The following PRELID3A variants were observed in gnomAD, a reference collection of about 807,000 sequenced individuals.
The protein encoded by PRELID3A is PRELI domain containing 3A.
A neutral mutation model predicts 23.0 loss-of-function variants in PRELID3A; 27 were observed. That is an observed-to-expected ratio of 1.17 (90% CI 0.87 to 1.62). PRELID3A has a LOEUF of 1.62. PRELID3A is among the 40% of genes most tolerant of loss of function. The probability of loss-of-function intolerance (pLI) is 0.00; values close to 1 mark genes in which losing one functional copy is unlikely to be tolerated. For synonymous variants in PRELID3A, 87 were observed against 86.4 expected (o/e 1.01, Z -0.04); for missense variants, 231 against 231.4 (o/e 1.00, Z 0.01).
intron 1 of PRELID3A, among the ~76,000 whole-genome samples, chr18:12,414,660 A>T (rs1290991911): frequency 1.3e-5 from 2 of 152,110 alleles, no homozygotes; most frequent in Non-Finnish European, 2.9e-5. Flanking sequence ...CGGGAGGTGG[A>T]GGTTGCAGTG....
intron 1 of PRELID3A, among the ~76,000 whole-genome samples, chr18:12,416,949 A>G (rs2029980441): frequency 6.6e-6 from 1 of 151,984 alleles, no homozygotes; most frequent in African/African-American, 2.4e-5. Context: ...CCAGCCAGAC[A>G]AGACTATTTT....
Position 12,425,342 on chromosome 18 carries a change from T to C in PRELID3A, c.292-1699T>C, listed in dbSNP as rs546650009. Among the ~76,000 whole-genome samples, 3 of 150,618 alleles carry C rather than the reference T, an allele frequency of 2.0e-5. No homozygotes were observed. The East Asian group carries it at 6.0e-4, about 30-fold the overall frequency. ...ATTGGTTTTGACAGAAAATATAGGC[T>C]GGGCGCAGTGGCTCATGCCTGTAAT... On this transcript the variant is annotated intron_variant, in intron 3 of 6. Transcript: ENST00000440960.
chr18:12,413,486 C>G (rs1472447169), intron 1 of PRELID3A, among the ~76,000 whole-genome samples: 2 of 152,196 alleles, frequency 1.3e-5, no homozygotes, highest in Admixed American at 1.3e-4. Flanking sequence ...GACTTGGAAG[C>G]ATTTGGAATA....
At chr18:12,426,548 C>T (rs1483208562) in intron 3 of PRELID3A, among the ~76,000 whole-genome samples, 1 of 2,258 alleles carries the variant, frequency 4.4e-4, no homozygotes, top group Non-Finnish European at 2.3e-3. Context: ...AGTGAGACTC[C>T]ATCTCAAAAA....
Position 12,429,443 on chromosome 18 carries a change from A to C in PRELID3A, c.*33+7A>C. 4 of 1,555,230 alleles carry C rather than the reference A, an allele frequency of 2.6e-6. No individual in the cohort carries two copies. The highest frequency in any genetic ancestry group is 3.5e-6 in the Non-Finnish European group (4 of 1,127,074). Reference sequence around the variant, plus strand: ...GTGCTTGTCATAAATGGTGGTGAGTACAGTATTCACTCACCTGGGGGGGTA... The same window carrying C: ...GTGCTTGTCATAAATGGTGGTGAGTCCAGTATTCACTCACCTGGGGGGGTA... On this transcript the variant is annotated splice_region_variant and intron_variant, in intron 6 of 6. Transcript: ENST00000440960.
At chr18:12,414,571 C>A (rs1374407921) in intron 1 of PRELID3A, among the ~76,000 whole-genome samples, 1 of 152,124 alleles carries the variant, frequency 6.6e-6, no homozygotes, top group Non-Finnish European at 1.5e-5. Context: ...ACTAAAAATA[C>A]AAAAATTAGC....
intron 1 of PRELID3A, among the ~76,000 whole-genome samples, chr18:12,411,654 C>A (rs527919606): frequency 6.6e-6 from 1 of 152,300 alleles, no homozygotes; most frequent in African/African-American, 2.4e-5. Context: ...CTTCTCAGGG[C>A]AGGACGGGCT....
rs1348794248 is a variant in PRELID3A, at chr18:12,432,143, A to G, written c.*1027A>G. The stretch of plus-strand genomic sequence containing the variant: ...AAGCTGCCAGTCGGCTCTTTTTCGC[A>G]AAGCCTTCCAGAAGTTTTCTGTGCT... On this transcript the variant is annotated 3_prime_UTR_variant, in exon 7 of 7. Coordinates refer to ENST00000440960, the MANE Select transcript of PRELID3A (RefSeq NM_001142405.2). The G allele has an allele frequency of 6.6e-6, 1 of 152,252 alleles. No individual in the cohort carries two copies. Among genetic ancestry groups the G allele is most frequent in the East Asian group, 1.9e-4 (1 of 5,196 alleles). 9.4% of individuals were successfully genotyped at this position (152,252 alleles called of 1,614,324 possible). A position where few individuals can be genotyped will look rare whatever the true frequency, so the allele number is the denominator to read the frequency against.
intron 1 of PRELID3A, among the ~76,000 whole-genome samples, chr18:12,419,105 C>CTT (rs1274626327): frequency 3.3e-5 from 5 of 151,222 alleles, no homozygotes; most frequent in African/African-American, 9.7e-5. Flanking sequence ...AGGCGGATCA[C>CTT]GAGGTCAGCA....
chr18:12,416,808 G>A (rs558747647), intron 1 of PRELID3A, among the ~76,000 whole-genome samples: 11 of 152,100 alleles, frequency 7.2e-5, no homozygotes, highest in African/African-American at 2.4e-4. Context: ...ACCGTGCCCG[G>A]CTAATTTTTT....
chr18:12,426,137 G>T (rs2030354479), intron 3 of PRELID3A, among the ~76,000 whole-genome samples: 1 of 151,900 alleles, frequency 6.6e-6, no homozygotes, highest in Admixed American at 6.6e-5. Flanking sequence ...TACTCCGGAG[G>T]CTGAGGCAGG....
At chr18:12,412,640 C>T (rs2143326302) in intron 1 of PRELID3A, among the ~76,000 whole-genome samples, 1 of 152,258 alleles carries the variant, frequency 6.6e-6, no homozygotes. Flanking sequence ...TATTACAAAT[C>T]GAACTGCAGT....
intron 1 of PRELID3A, among the ~76,000 whole-genome samples, chr18:12,413,924 A>C (rs2029877741): frequency 6.6e-6 from 1 of 152,204 alleles, no homozygotes; most frequent in Non-Finnish European, 1.5e-5. Context: ...TTTGGCAGCA[A>C]ATGCTATCAG....
intron 1 of PRELID3A, 113 bp from the exon 2 acceptor site, chr18:12,420,212 T>C: frequency 2.1e-6 from 3 of 1,450,236 alleles, no homozygotes; most frequent in Non-Finnish European, 2.7e-6. Flanking sequence ...CAGCCTTTCA[T>C]TAAAGTGAAG....
intron 5 of PRELID3A, among the ~76,000 whole-genome samples, chr18:12,428,024 AC>A (rs2143398216): frequency 6.6e-6 from 1 of 152,200 alleles, no homozygotes; most frequent in East Asian, 1.9e-4. Context: ...GCTATTCAGG[AC>A]TTATAGTAGT....
At chr18:12,425,485 A>T (rs2143386297) in intron 3 of PRELID3A, among the ~76,000 whole-genome samples, 1 of 143,566 alleles carries the variant, frequency 7.0e-6, no homozygotes, top group African/African-American at 2.6e-5. Context: ...AAAAAAAATT[A>T]GCCAGGCATG....
chr18:12,422,197 C>CTTTTTTTTTTTTTTTTTTT (rs562964007), intron 3 of PRELID3A: 1 of 131,114 alleles, frequency 7.6e-6, no homozygotes, highest in Non-Finnish European at 1.6e-5. Context: ...TTTCAACGTG[C>CTTTTTTTTTTTTTTTTTTT]TTTTTTTTTT....
intron 3 of PRELID3A, among the ~76,000 whole-genome samples, chr18:12,426,358 T>G (rs1391267768): frequency 1.3e-5 from 2 of 150,088 alleles, no homozygotes; most frequent in East Asian, 2.0e-4. Context: ...ATCGAGACCA[T>G]CCTGGCTAAC....
intron 5 of PRELID3A, 90 bp downstream of exon 5, chr18:12,427,413 C>T (rs1359400694): frequency 1.9e-6 from 2 of 1,048,824 alleles, no homozygotes; most frequent in African/African-American, 3.2e-5. Flanking sequence ...ATCAGTCTTC[C>T]TGGCTGGGCA....
Sources: allele counts gnomAD v4.1 joint callset (sites outside exome capture counted in the v4.1 genomes callset), GRCh38; gene constraint gnomAD v4.1.1; transcripts MANE v1.5; gene names NCBI Gene and HGNC (gene_info 2026-07-23, HGNC 2026-07-21).